MRPL1: variants seen among roughly 807,000 people sequenced by gnomAD.
MRPL1 encodes large ribosomal subunit protein uL1m.
Under a neutral mutation model 38.0 loss-of-function variants are expected in MRPL1, and 28 were observed. The observed-to-expected ratio is 0.74, with a 90% confidence interval of 0.55 to 1.01. The LOEUF (loss-of-function observed/expected upper bound fraction) is 1.01, where lower values mean the gene tolerates loss of function less well. Ranked by LOEUF, MRPL1 falls within the 50% of genes least tolerant of loss-of-function variation. The probability of loss-of-function intolerance (pLI) is 0.00; values close to 1 mark genes in which losing one functional copy is unlikely to be tolerated. For synonymous variants in MRPL1, 123 were observed against 126.7 expected (o/e 0.97, Z 0.20); for missense variants, 358 against 389.8 (o/e 0.92, Z 0.69).
chr4:77,894,265 A>G lies in MRPL1; in HGVS notation c.670+15A>G, dbSNP rs370835899. On this transcript the variant is annotated intron_variant, in intron 6 of 8. Coordinates refer to ENST00000315567, the MANE Select transcript of MRPL1 (RefSeq NM_020236.4). ...GCTTTCTCGAAGTAAGAGAATTCCT[A>G]TTATTTCAATATCCTGTCAACAACT... is the stretch of plus-strand genomic sequence containing the variant. 4.2e-6 allele frequency: 6 copies of G among 1,428,088 alleles called. No individual in the cohort carries two copies. Among genetic ancestry groups the G allele is most frequent in the African/African-American group, 2.9e-5 (2 of 69,658 alleles). The allele number at this position is 1,428,088 out of a possible 1,614,324, so 88.5% of individuals were successfully genotyped here.
intron 4 of MRPL1, 71 bp from the exon 5 acceptor site, chr4:77,887,149 C>A (rs774784641): frequency 2.1e-4 from 253 of 1,189,612 alleles, no homozygotes; most frequent in Non-Finnish European, 3.0e-4. Context: ...TTATTTCTGA[C>A]AACATACTTC....
chr4:77,915,270 T>C (rs139684718), intron 7 of MRPL1, among the ~76,000 whole-genome samples: 100 of 152,330 alleles, frequency 6.6e-4, no homozygotes, highest in Non-Finnish European at 1.6e-4. Flanking sequence ...TGAATGATCT[T>C]TCTTAATTAT....
chr4:77,891,062 C>T (rs1735794197), intron 5 of MRPL1, among the ~76,000 whole-genome samples: 1 of 151,974 alleles, frequency 6.6e-6, no homozygotes, highest in African/African-American at 2.4e-5. Flanking sequence ...TTTTTGGTTG[C>T]AGAACTAGTG....
At chr4:77,925,382 C>T (rs867122685) in intron 7 of MRPL1, among the ~76,000 whole-genome samples, 13 of 148,050 alleles carry the variant, frequency 8.8e-5, no homozygotes, top group Middle Eastern at 7.1e-3. Context: ...GACCTAGTCT[C>T]GCTCTGTCAC....
chr4:77,935,110 A>C (rs1486095832), intron 7 of MRPL1, among the ~76,000 whole-genome samples: 2 of 152,140 alleles, frequency 1.3e-5, no homozygotes, highest in African/African-American at 4.8e-5. Context: ...ACTAGTAAAT[A>C]AGTGGTTACC....
intron 7 of MRPL1, among the ~76,000 whole-genome samples, chr4:77,928,808 AATTT>A (rs1383381581): frequency 6.6e-6 from 1 of 152,162 alleles, no homozygotes; most frequent in Non-Finnish European, 1.5e-5. Context: ...GATCAAAAAT[AATTT>A]ATTATCATTT....
chr4:77,943,672 T>C (rs1737186301), intron 7 of MRPL1, among the ~76,000 whole-genome samples: 1 of 152,172 alleles, frequency 6.6e-6, no homozygotes, highest in South Asian at 2.1e-4. Flanking sequence ...TACTGAGACT[T>C]TACAGTGCAT....
intron 4 of MRPL1, 33 bp downstream of exon 4, chr4:77,885,372 T>A: frequency 1.3e-6 from 2 of 1,547,482 alleles, no homozygotes; most frequent in Non-Finnish European, 1.8e-6. Context: ...TTATATCATT[T>A]AATTTTTTTT....
chr4:77,873,958 A>ATAAATGGT (rs1309805973), intron 2 of MRPL1, among the ~76,000 whole-genome samples: 1 of 151,490 alleles, frequency 6.6e-6, no homozygotes, highest in African/African-American at 2.4e-5. Context: ...TGTTTTTTAC[A>ATAAATGGT]TAAATGGTAG....
intron 1 of MRPL1, among the ~76,000 whole-genome samples, chr4:77,865,327 A>G (rs1735102949): frequency 6.6e-6 from 1 of 152,124 alleles, no homozygotes; most frequent in Non-Finnish European, 1.5e-5. Flanking sequence ...CAGTTGTTTA[A>G]AATCAAATTC....
intron 3 of MRPL1, among the ~76,000 whole-genome samples, chr4:77,884,283 A>T (rs1379463134): frequency 6.6e-6 from 1 of 151,938 alleles, no homozygotes; most frequent in East Asian, 1.9e-4. Context: ...CTCCTTGTCT[A>T]TAAAGAAATC....
chr4:77,888,779 T>C (rs1223030489), intron 5 of MRPL1, among the ~76,000 whole-genome samples: 3 of 152,164 alleles, frequency 2.0e-5, no homozygotes, highest in South Asian at 2.1e-4. Flanking sequence ...TTGTTACGTA[T>C]GTATATATGT....
intron 7 of MRPL1, among the ~76,000 whole-genome samples, chr4:77,940,278 C>T (rs1456768073): frequency 1.3e-5 from 2 of 151,984 alleles, no homozygotes; most frequent in East Asian, 3.9e-4. Context: ...AGGTATACTC[C>T]TAAGTATTTT....
intron 2 of MRPL1, among the ~76,000 whole-genome samples, chr4:77,878,835 C>T (rs538664222): frequency 1.1e-4 from 16 of 152,188 alleles, no homozygotes; most frequent in Admixed American, 8.5e-4. Context: ...GCCCAGATCG[C>T]ACCACTGCAC....
rs774209665 is a variant in MRPL1, at chr4:77,883,282, C to T, written c.184C>T (p.Pro62Ser). Reference protein sequence around the residue: ...KTKKGAKEKTPDEKKDEIEKI... With the variant: ...KTKKGAKEKTSDEKKDEIEKI... ...AAAAAAAGGTGCTAAAGAAAAAACA[C>T]CAGATGAGAAAAAAGATGAAATAGA... The change falls in exon 3 of 9, where the codon CCA (proline) becomes TCA (serine). Residue 62 changes from proline to serine, a missense_variant. Pro to Ser is a moderately conservative substitution (Grantham distance 74, BLOSUM62 -1). Coordinates refer to ENST00000315567, the MANE Select transcript of MRPL1 (RefSeq NM_020236.4). 2 of 1,593,030 alleles carry T rather than the reference C, an allele frequency of 1.3e-6. No individual in the cohort carries two copies. The highest frequency in any genetic ancestry group is 8.5e-7 in the Non-Finnish European group (1 of 1,173,294).
chr4:77,899,182 T>A (rs1324068584), intron 6 of MRPL1, among the ~76,000 whole-genome samples: 1 of 150,030 alleles, frequency 6.7e-6, no homozygotes, highest in Non-Finnish European at 1.5e-5. Flanking sequence ...TTTTTTTGTA[T>A]TTTCAGTAGA....
chr4:77,899,552 C>T (rs1249953443), intron 6 of MRPL1, among the ~76,000 whole-genome samples: 2 of 151,922 alleles, frequency 1.3e-5, no homozygotes, highest in Non-Finnish European at 2.9e-5. Context: ...TTTTCTTTTG[C>T]CATATTCAAA....
At chr4:77,905,773 T>G (rs1159166011) in intron 6 of MRPL1, among the ~76,000 whole-genome samples, 1 of 152,194 alleles carries the variant, frequency 6.6e-6, no homozygotes, top group Non-Finnish European at 1.5e-5. Flanking sequence ...CTTTAGTATG[T>G]TTTAATGCAG....
chr4:77,949,315 A>T (rs1737352088), intron 7 of MRPL1, among the ~76,000 whole-genome samples: 1 of 152,244 alleles, frequency 6.6e-6, no homozygotes, highest in Non-Finnish European at 1.5e-5. Flanking sequence ...TTGAAAAATT[A>T]GAATGTTAGC....
Sources: allele counts gnomAD v4.1 joint callset (sites outside exome capture counted in the v4.1 genomes callset), GRCh38; gene constraint gnomAD v4.1.1; transcripts MANE v1.5; gene names NCBI Gene and HGNC (gene_info 2026-07-23, HGNC 2026-07-21).